STAT1: variants seen among roughly 807,000 people sequenced by gnomAD.
STAT1 encodes signal transducer and activator of transcription 1-alpha/beta.
In STAT1, 24 loss-of-function variants were observed where a neutral mutation model predicts 111.7. The observed-to-expected ratio is 0.21, with a 90% confidence interval of 0.16 to 0.30. The LOEUF (loss-of-function observed/expected upper bound fraction) is 0.30. STAT1 is among the 10% of genes least tolerant of loss of function. The pLI is 1.00. For synonymous variants in STAT1, 332 were observed against 326.5 expected (o/e 1.02, Z -0.18); for missense variants, 351 against 911.9 (o/e 0.38, Z 7.92).
Position 190,986,988 on chromosome 2 carries a change from T to C in STAT1, c.1128-41A>G. 1 of 1,610,998 alleles carries C rather than the reference T, an allele frequency of 6.2e-7. No homozygotes were observed. Among genetic ancestry groups the C allele is most frequent in the Non-Finnish European group, 8.5e-7 (1 of 1,177,150 alleles). ...AAGAAATGCTGAAAAGTCTTCCAACTATTAAATAAATAAAAATATAGCACA... is the reference window on the plus strand; with the variant it reads ...AAGAAATGCTGAAAAGTCTTCCAACCATTAAATAAATAAAAATATAGCACA... On this transcript the variant is annotated intron_variant, in intron 13 of 24. Coordinates refer to ENST00000361099, the MANE Select transcript of STAT1 (RefSeq NM_007315.4). This position sits in a 1 kb window ranked among gnomAD's most constrained non-coding sequence, Gnocchi z 5.0.
chr2:190,991,472 T>C, intron 10 of STAT1, 152 bp from the exon 11 acceptor site: 1 of 754,736 alleles, frequency 1.3e-6, no homozygotes, highest in Non-Finnish European at 2.3e-6. Context: ...CAAAGTGATA[T>C]TTTCTAATTA....
Position 190,974,475 on chromosome 2 carries a change from A to G in STAT1, c.2238+355T>C, listed in dbSNP as rs560389856. On this transcript the variant is annotated intron_variant, in intron 24 of 24. Coordinates refer to ENST00000361099, the MANE Select transcript of STAT1 (RefSeq NM_007315.4). This position sits in a 1 kb window ranked among gnomAD's most constrained non-coding sequence, Gnocchi z 4.8. ...AAATAACACTCCCTCCCCTAGACAC[A>G]GTGATGAAATCGCATTCCGAAGAAA... is the stretch of plus-strand genomic sequence containing the variant. 6.6e-6 allele frequency among the ~76,000 whole-genome samples: 1 copy of G among 152,242 alleles called. No homozygotes were observed. Among genetic ancestry groups the G allele is most frequent in the Non-Finnish European group, 1.5e-5 (1 of 68,036 alleles).
At position 191,007,999 on chromosome 2, in the gene STAT1, T is replaced by C. The variant is rs1044767042; in HGVS notation, c.274-338A>G. The C allele has an allele frequency of 2.1e-6, 1 of 467,496 alleles. No homozygotes were observed. Among genetic ancestry groups the C allele is most frequent in the Non-Finnish European group, 4.3e-6 (1 of 235,240 alleles). 29.0% of individuals were successfully genotyped at this position (467,496 alleles called of 1,614,324 possible). ...GGATCCCGAGACAATGCAAATGATA[T>C]AAAAACTATACATGACATTCCTCAA... On this transcript the variant is annotated intron_variant, in intron 4 of 24. Coordinates refer to ENST00000361099, the MANE Select transcript of STAT1 (RefSeq NM_007315.4). The surrounding 1 kb of genome is among the most constrained non-coding windows in gnomAD (Gnocchi z 4.2).
In STAT1 at chr2:190,979,720, A is replaced by G. The variant is rs1029646730; in HGVS notation, c.1727+52T>C. On this transcript the variant is annotated intron_variant, in intron 20 of 24. Transcript: ENST00000361099. The surrounding 1 kb of genome is among the most constrained non-coding windows in gnomAD (Gnocchi z 5.8). Reference sequence around the variant, plus strand: ...GAAGCTGGACTCAGGCCTTGTCTCAACCTCGCAGCACTAAAAATATGTTTC... The same window carrying G: ...GAAGCTGGACTCAGGCCTTGTCTCAGCCTCGCAGCACTAAAAATATGTTTC... 6.9e-7 allele frequency: 1 copy of G among 1,444,882 alleles called. No individual in the cohort carries two copies. Among genetic ancestry groups the G allele is most frequent in the Non-Finnish European group, 9.7e-7 (1 of 1,025,898 alleles). The allele number at this position is 1,444,882 out of a possible 1,614,324, so 89.5% of individuals were successfully genotyped here. A position where few individuals can be genotyped will look rare whatever the true frequency, so the allele number is the denominator to read the frequency against.
Position 190,971,042 on chromosome 2 carries a change from C to T in STAT1, c.2239-325G>A, listed in dbSNP as rs45477292. Among the ~76,000 whole-genome samples the T allele has an allele frequency of 3.5e-3, 533 of 152,214 alleles. 1 individual carries two copies. The highest frequency in any genetic ancestry group is 5.8e-3 in the Non-Finnish European group (394 of 68,024). ...ACGTGTCAAATCTGCTCATGTGAAACGGGTGAGGAAATGCTGAGCCATATG... is the reference window on the plus strand; with the variant it reads ...ACGTGTCAAATCTGCTCATGTGAAATGGGTGAGGAAATGCTGAGCCATATG... On this transcript the variant is annotated intron_variant, in intron 24 of 24. Transcript: ENST00000361099. This position sits in a 1 kb window ranked among gnomAD's most constrained non-coding sequence, Gnocchi z 4.1.
In STAT1 at chr2:190,983,811, C is replaced by G; in HGVS notation, c.1348-71G>C. 1 of 1,249,274 alleles carries G rather than the reference C, an allele frequency of 8.0e-7. No individual in the cohort carries two copies. Among genetic ancestry groups the G allele is most frequent in the Non-Finnish European group, 1.2e-6 (1 of 849,160 alleles). The allele number at this position is 1,249,274 out of a possible 1,614,324, so 77.4% of individuals were successfully genotyped here. ...TCACCTTCAGATAACTGCTTAGCCT[C>G]AACTAAAAGCAGGGGATTATTTGTA... On this transcript the variant is annotated intron_variant, in intron 16 of 24. Transcript: ENST00000361099. The surrounding 1 kb of genome is among the most constrained non-coding windows in gnomAD (Gnocchi z 5.7).
chr2:190,973,199 G>A lies in STAT1; in HGVS notation c.2238+1631C>T, dbSNP rs571833983. Among the ~76,000 whole-genome samples, 35 of 152,288 alleles carry A rather than the reference G, an allele frequency of 2.3e-4. No homozygotes were observed. Among genetic ancestry groups the A allele is most frequent in the Admixed American group, 9.1e-4 (14 of 15,306 alleles). On this transcript the variant is annotated intron_variant, in intron 24 of 24. Transcript: ENST00000361099. This position sits in a 1 kb window ranked among gnomAD's most constrained non-coding sequence, Gnocchi z 4.4. ...CCTGTACAAACAGCTTCTTCAGGGT[G>A]CATGTTTTGAATGGGGCAAAGATTA... is the stretch of plus-strand genomic sequence containing the variant.
In STAT1 at chr2:190,993,079, C is replaced by G; in HGVS notation, c.945-1759G>C. ...TGCTGGGATTACAGGCATGAGCCAC[C>G]GTGCCGGGCCTTGTTGCATTCCTAG... On this transcript the variant is annotated intron_variant, in intron 10 of 24. Coordinates refer to ENST00000361099, the MANE Select transcript of STAT1 (RefSeq NM_007315.4). The surrounding 1 kb of genome is among the most constrained non-coding windows in gnomAD (Gnocchi z 4.1). 2.8e-6 allele frequency: 1 copy of G among 358,758 alleles called. No individual in the cohort carries two copies. The highest frequency in any genetic ancestry group is 7.5e-5 in the East Asian group (1 of 13,264). The allele number at this position is 358,758 out of a possible 1,614,324, so 22.2% of individuals were successfully genotyped here.
intron 10 of STAT1, among the ~76,000 whole-genome samples, chr2:190,991,573 T>C (rs1201721137): frequency 6.6e-6 from 1 of 152,138 alleles, no homozygotes; most frequent in Non-Finnish European, 1.5e-5. Flanking sequence ...AAACATACAA[T>C]GAAGGCTAGG....
Position 191,003,326 on chromosome 2 carries a change from T to G in STAT1, c.373-2163A>C, listed in dbSNP as rs956864541. Among the ~76,000 whole-genome samples, 1 of 152,210 alleles carries G rather than the reference T, an allele frequency of 6.6e-6. No individual in the cohort carries two copies. The highest frequency in any genetic ancestry group is 1.5e-5 in the Non-Finnish European group (1 of 68,026). On this transcript the variant is annotated intron_variant, in intron 5 of 24. Coordinates refer to ENST00000361099, the MANE Select transcript of STAT1 (RefSeq NM_007315.4). The surrounding 1 kb of genome is among the most constrained non-coding windows in gnomAD (Gnocchi z 4.0). ...TGGGCGGTTGGAATAAGTTGTCACTTTGAGGAGTTCCATACAGCTTTCTGC... is the reference window on the plus strand; with the variant it reads ...TGGGCGGTTGGAATAAGTTGTCACTGTGAGGAGTTCCATACAGCTTTCTGC...
rs116393133 is a variant in STAT1 at position 191,003,068 on chromosome 2, A to G, written c.373-1905T>C. ...ATTGAGGACTTTTATATTGATACTCATAAGTAAAATTGGTCCATAATTTTT... is the reference window on the plus strand; with the variant it reads ...ATTGAGGACTTTTATATTGATACTCGTAAGTAAAATTGGTCCATAATTTTT... On this transcript the variant is annotated intron_variant, in intron 5 of 24. Transcript: ENST00000361099. This position sits in a 1 kb window ranked among gnomAD's most constrained non-coding sequence, Gnocchi z 4.0. Among the ~76,000 whole-genome samples, 593 of 152,326 alleles carry G rather than the reference A, an allele frequency of 3.9e-3. 6 individuals are homozygous for G. The highest frequency in any genetic ancestry group is 0.014 in the African/African-American group (563 of 41,580).
rs1015620346 is a variant in STAT1 at position 190,995,513 on chromosome 2, TACTC to T, written c.786-298_786-295del. Among the ~76,000 whole-genome samples, 3 of 152,114 alleles carry T rather than the reference TACTC, an allele frequency of 2.0e-5. No individual in the cohort carries two copies. Among genetic ancestry groups the T allele is most frequent in the Non-Finnish European group, 2.9e-5 (2 of 68,032 alleles). On this transcript the variant is annotated intron_variant, in intron 9 of 24. Transcript: ENST00000361099. This position sits in a 1 kb window ranked among gnomAD's most constrained non-coding sequence, Gnocchi z 4.2. ...TAAAACCATCAGATCTCGTGAGACT[TACTC>T]ACTACCATGAGAACAGTATTGGGGG...
In STAT1 at chr2:190,990,256, A is replaced by C. The variant is rs551265465; in HGVS notation, c.1038-582T>G. Among the ~76,000 whole-genome samples, 27 of 152,316 alleles carry C rather than the reference A, an allele frequency of 1.8e-4. No individual in the cohort carries two copies. The highest frequency in any genetic ancestry group is 4.6e-4 in the Admixed American group (7 of 15,300). Reference sequence around the variant, plus strand: ...CTGCTCCGTTCAGTGGAGCAGGTGGATGGGATCAGATTTCTACTGTCCCTT... The same window carrying C: ...CTGCTCCGTTCAGTGGAGCAGGTGGCTGGGATCAGATTTCTACTGTCCCTT... On this transcript the variant is annotated intron_variant, in intron 11 of 24. Transcript: ENST00000361099. This position sits in a 1 kb window ranked among gnomAD's most constrained non-coding sequence, Gnocchi z 5.1.
chr2:190,993,447 T>C lies in STAT1; in HGVS notation c.944+1614A>G, dbSNP rs945745004. On this transcript the variant is annotated intron_variant, in intron 10 of 24. Coordinates refer to ENST00000361099, the MANE Select transcript of STAT1 (RefSeq NM_007315.4). This position sits in a 1 kb window ranked among gnomAD's most constrained non-coding sequence, Gnocchi z 4.1. ...TTGAAATCCATACCAATTGTGCTGA[T>C]GTAGCTTTCTGTATATGTTATCATC... The C allele has an allele frequency of 2.4e-5, 33 of 1,374,054 alleles. 2 individuals are homozygous for C. In the South Asian group the frequency reaches 3.5e-4, roughly 15 times the overall value. The allele number at this position is 1,374,054 out of a possible 1,614,324, so 85.1% of individuals were successfully genotyped here. A position where few individuals can be genotyped will look rare whatever the true frequency, so the allele number is the denominator to read the frequency against.
In STAT1 at chr2:191,012,658, T is replaced by C. The variant is rs1193120694; in HGVS notation, c.-2+867A>G. On this transcript the variant is annotated intron_variant, in intron 2 of 24. Transcript: ENST00000361099. The surrounding 1 kb of genome is among the most constrained non-coding windows in gnomAD (Gnocchi z 4.0). ...CACAGATTGGACCACATCAATCTCC[T>C]GTGCAAAAATCCTATGATCTGTCCA... Among the ~76,000 whole-genome samples, 2 of 152,170 alleles carry C rather than the reference T, an allele frequency of 1.3e-5. No homozygotes were observed. Among genetic ancestry groups the C allele is most frequent in the Admixed American group, 6.6e-5 (1 of 15,266 alleles).
At position 191,012,512 on chromosome 2, in the gene STAT1, T is replaced by C. The variant is rs1476921818; in HGVS notation, c.-2+1013A>G. On this transcript the variant is annotated intron_variant, in intron 2 of 24. Transcript: ENST00000361099. This position sits in a 1 kb window ranked among gnomAD's most constrained non-coding sequence, Gnocchi z 4.0. The stretch of plus-strand genomic sequence containing the variant: ...CCTGTTACCAACTCAGGGAGTGGCA[T>C]GGCCATCTCCCAGTCACTGAGCTCA... Among the ~76,000 whole-genome samples the C allele has an allele frequency of 2.0e-5, 3 of 152,064 alleles. No individual in the cohort carries two copies. Among genetic ancestry groups the C allele is most frequent in the East Asian group, 1.9e-4 (1 of 5,176 alleles).
intron 5 of STAT1, among the ~76,000 whole-genome samples, chr2:191,001,635 G>A (rs1436556278): frequency 6.6e-6 from 1 of 152,184 alleles, no homozygotes; most frequent in Non-Finnish European, 1.5e-5. Context: ...ACAATTCCGG[G>A]TGATCCAGAG....
chr2:190,996,074 G>T lies in STAT1; in HGVS notation c.786-855C>A, dbSNP rs1341856229. Among the ~76,000 whole-genome samples the T allele has an allele frequency of 6.6e-6, 1 of 152,162 alleles. No individual in the cohort carries two copies. The highest frequency in any genetic ancestry group is 1.5e-5 in the Non-Finnish European group (1 of 68,026). On this transcript the variant is annotated intron_variant, in intron 9 of 24. Coordinates refer to ENST00000361099, the MANE Select transcript of STAT1 (RefSeq NM_007315.4). The surrounding 1 kb of genome is among the most constrained non-coding windows in gnomAD (Gnocchi z 4.5). ...AGGAGAGACAGAGATGGGAGACAAG[G>T]CCGGGGACAGGAAGAGAGGAAGGAA...
chr2:190,979,629 A>C lies in STAT1; in HGVS notation c.1727+143T>G. ...AATGTTATGAGGTTCTACTCTTCTGAAGCCCTGAAGGGGCAGCCTATAAAT... is the reference window on the plus strand; with the variant it reads ...AATGTTATGAGGTTCTACTCTTCTGCAGCCCTGAAGGGGCAGCCTATAAAT... On this transcript the variant is annotated intron_variant, in intron 20 of 24. Transcript: ENST00000361099. The surrounding 1 kb of genome is among the most constrained non-coding windows in gnomAD (Gnocchi z 5.8). 1.5e-6 allele frequency: 1 copy of C among 686,914 alleles called. No individual in the cohort carries two copies. The highest frequency in any genetic ancestry group is 1.5e-5 in the South Asian group (1 of 64,622). The allele number at this position is 686,914 out of a possible 1,614,324, so 42.6% of individuals were successfully genotyped here.
Sources: allele counts gnomAD v4.1 joint callset (sites outside exome capture counted in the v4.1 genomes callset), GRCh38; gene constraint gnomAD v4.1.1; non-coding constraint Gnocchi (gnomAD v3.1); transcripts MANE v1.5; gene names NCBI Gene and HGNC (gene_info 2026-07-23, HGNC 2026-07-21).